PATL2: variants seen among roughly 807,000 people sequenced by gnomAD.
The protein encoded by PATL2 is PAT1 homolog 2.
A neutral mutation model predicts 77.0 loss-of-function variants in PATL2; 73 were observed. The ratio of observed to expected loss-of-function variants is 0.95; its 90% CI spans 0.78 to 1.15. The LOEUF (loss-of-function observed/expected upper bound fraction) is 1.15. Among genes scored for constraint, PATL2 ranks in the 50% most tolerant of loss-of-function variants. PATL2 has a pLI of 0.00. For synonymous variants in PATL2, 265 were observed against 257.1 expected, an observed-to-expected ratio of 1.03 and a Z score of -0.29; for missense variants, 618 against 655.4, an observed-to-expected ratio of 0.94 and a Z score of 0.62.
At chr15:44,675,899 G>A (rs1566857311) in intron 4 of PATL2, 1 of 550,020 alleles carries the variant, frequency 1.8e-6, no homozygotes, top group Non-Finnish European at 3.2e-6. Context: ...AATGGAACCT[G>A]AGCCAGGTGT....
chr15:44,685,710 G>A (rs2086237254), intron 3 of PATL2, among the ~76,000 whole-genome samples: 1 of 152,094 alleles, frequency 6.6e-6, no homozygotes, highest in Non-Finnish European at 1.5e-5. Context: ...AGGGATGGAG[G>A]AATATTTACC....
In PATL2 at chr15:44,676,553, C is replaced by G. The variant is rs2085965083; in HGVS notation, c.-63G>C. On this transcript the variant is annotated 5_prime_UTR_variant, in exon 4 of 18. Transcript: ENST00000682850. Reference sequence around the variant, plus strand: ...TCCAGTGAAACAGCATTGCCAGCCTCTGGAAGGTAAACCTGAGACAAGAAA... The same window carrying G: ...TCCAGTGAAACAGCATTGCCAGCCTGTGGAAGGTAAACCTGAGACAAGAAA... 1 of 1,550,640 alleles carries G rather than the reference C, an allele frequency of 6.4e-7. No individual in the cohort carries two copies. Among genetic ancestry groups the G allele is most frequent in the African/African-American group, 1.4e-5 (1 of 72,996 alleles).
chr15:44,676,601 A>T, intron 3 of PATL2, 36 bp from the exon 4 acceptor site: 1 of 1,507,976 alleles, frequency 6.6e-7, no homozygotes, highest in Non-Finnish European at 9.0e-7. Flanking sequence ...CACCATCCTC[A>T]GTCAGTAAGG....
At chr15:44,690,066 G>A (rs1157223541) in intron 3 of PATL2, among the ~76,000 whole-genome samples, 3 of 152,062 alleles carry the variant, frequency 2.0e-5, no homozygotes, top group Admixed American at 2.0e-4. Flanking sequence ...GCACATGCCT[G>A]TAATCCCAGC....
At chr15:44,698,224 C>T (rs900058791) in intron 3 of PATL2, among the ~76,000 whole-genome samples, 6 of 151,890 alleles carry the variant, frequency 4.0e-5, no homozygotes, top group Non-Finnish European at 8.8e-5. Context: ...TTACCCCAAG[C>T]ATTTATCCTT....
At chr15:44,666,312 G>A in intron 17 of PATL2, 80 bp downstream of exon 17, 1 of 1,493,352 alleles carries the variant, frequency 6.7e-7, no homozygotes, top group Non-Finnish European at 9.1e-7. Flanking sequence ...TAATTTAGAA[G>A]AAGGAAGTAG....
chr15:44,705,184 C>CTT (rs796905576), intron 3 of PATL2, among the ~76,000 whole-genome samples: 1 of 149,276 alleles, frequency 6.7e-6, no homozygotes, highest in African/African-American at 2.5e-5. Flanking sequence ...GCCAATAACT[C>CTT]TTTTTTTTTT....
chr15:44,669,199 A>G, intron 13 of PATL2, 60 bp from the exon 14 acceptor site: 1 of 1,523,446 alleles, frequency 6.6e-7, no homozygotes. Flanking sequence ...GCTACATGCC[A>G]CAAAGGAGAG....
At chr15:44,702,000 C>A (rs547652785) in intron 3 of PATL2, among the ~76,000 whole-genome samples, 1 of 152,142 alleles carries the variant, frequency 6.6e-6, no homozygotes, top group South Asian at 2.1e-4. Flanking sequence ...CCCCCATGAT[C>A]CAAACACCTA....
intron 3 of PATL2, among the ~76,000 whole-genome samples, chr15:44,687,741 A>G (rs1163779994): frequency 6.6e-6 from 1 of 152,208 alleles, no homozygotes; most frequent in Non-Finnish European, 1.5e-5. Flanking sequence ...AAAAATCACA[A>G]GCATTCCTAT....
At chr15:44,702,159 TTTGTTAC>T (rs1226832636) in intron 3 of PATL2, among the ~76,000 whole-genome samples, 1 of 150,976 alleles carries the variant, frequency 6.6e-6, no homozygotes, top group Non-Finnish European at 1.5e-5. Context: ...TGGGCTTTCA[TTTGTTAC>T]TTGTTATTGG....
chr15:44,670,645 G>A (rs745366692), intron 9 of PATL2, among the ~76,000 whole-genome samples: 1 of 152,178 alleles, frequency 6.6e-6, no homozygotes, highest in Non-Finnish European at 1.5e-5. Flanking sequence ...TTAAAGACCA[G>A]ATACCACCAC....
chr15:44,666,565 A>G (rs918182422), intron 16 of PATL2, 24 bp from the exon 17 acceptor site: 5 of 1,486,820 alleles, frequency 3.4e-6, no homozygotes, highest in Non-Finnish European at 4.5e-6. Context: ...ATATAAATAT[A>G]AGCAAATAGA....
chr15:44,672,600 C>T, intron 7 of PATL2, 144 bp from the exon 8 acceptor site: 1 of 736,986 alleles, frequency 1.4e-6, no homozygotes, highest in Non-Finnish European at 2.2e-6. Flanking sequence ...CCACATGGCA[C>T]ATCATAGTCC....
In PATL2 at chr15:44,666,406, C is replaced by A; in HGVS notation, c.1599G>T (p.Leu533=). 6.4e-7 allele frequency: 1 copy of A among 1,551,708 alleles called. No homozygotes were observed. Among genetic ancestry groups the A allele is most frequent in the Non-Finnish European group, 8.7e-7 (1 of 1,146,994 alleles). The change falls in exon 17 of 18, where the codon CTG becomes CTT. Residue 533 remains leucine, a synonymous_variant. Transcript: ENST00000682850. ...HHVDKQLVQQ[L]EARMEFAWIY ...CCATTACTTACTCCATCCTGGCCTC[C>A]AGCTGCTGAACCAATTGTTTGTCCA...
chr15:44,668,290 G>A, intron 15 of PATL2, 52 bp downstream of exon 15: 3 of 1,527,280 alleles, frequency 2.0e-6, no homozygotes, highest in Non-Finnish European at 2.6e-6. Flanking sequence ...CCCCTTATCA[G>A]TGATACCAAC....
intron 6 of PATL2, 22 bp from the exon 7 acceptor site, chr15:44,673,399 C>T: frequency 6.4e-7 from 1 of 1,551,104 alleles, no homozygotes; most frequent in Non-Finnish European, 8.7e-7. Flanking sequence ...ATTAAGAGGT[C>T]TGGGAGAACG....
chr15:44,700,056 G>T (rs2086595648), intron 3 of PATL2, among the ~76,000 whole-genome samples: 1 of 151,982 alleles, frequency 6.6e-6, no homozygotes, highest in South Asian at 2.1e-4. Flanking sequence ...TATTTTGATA[G>T]GGTTTACATT....
chr15:44,696,930 A>G (rs1256124103), intron 3 of PATL2, among the ~76,000 whole-genome samples: 1 of 152,212 alleles, frequency 6.6e-6, no homozygotes, highest in Non-Finnish European at 1.5e-5. Context: ...AGAAGTACTT[A>G]CATTTGCCGC....
Sources: allele counts gnomAD v4.1 joint callset (sites outside exome capture counted in the v4.1 genomes callset), GRCh38; gene constraint gnomAD v4.1.1; transcripts MANE v1.5; gene names NCBI Gene and HGNC (gene_info 2026-07-23, HGNC 2026-07-21).